ZPLD1: variants seen among roughly 807,000 people sequenced by gnomAD.
ZPLD1 encodes zona pellucida-like domain-containing protein 1.
Under a neutral mutation model 47.2 loss-of-function variants are expected in ZPLD1, and 34 were observed. The ratio of observed to expected loss-of-function variants is 0.72; its 90% CI spans 0.55 to 0.96. The LOEUF is 0.96. ZPLD1 is among the 40% of genes least tolerant of loss of function. ZPLD1 has a pLI of 0.00. For missense variants in ZPLD1, 512 were observed against 505.8 expected, an observed-to-expected ratio of 1.01 and a Z score of -0.12; for synonymous variants, 176 against 186.2, an observed-to-expected ratio of 0.95 and a Z score of 0.45.
intron 3 of ZPLD1, among the ~76,000 whole-genome samples, chr3:102,450,692 G>C (rs1310797604): frequency 6.6e-6 from 1 of 152,108 alleles, no homozygotes; most frequent in Non-Finnish European, 1.5e-5. Flanking sequence ...AGGACATTAA[G>C]ACTGGAAATA....
intron 8 of ZPLD1, among the ~76,000 whole-genome samples, chr3:102,429,852 C>G (rs1054532749): frequency 1.3e-5 from 2 of 152,128 alleles, no homozygotes; most frequent in African/African-American, 4.8e-5. Flanking sequence ...ATTGGAATCT[C>G]CACATCTCAA....
intron 6 of ZPLD1, among the ~76,000 whole-genome samples, chr3:102,458,698 A>G (rs1246420697): frequency 1.3e-5 from 2 of 152,222 alleles, no homozygotes; most frequent in African/African-American, 2.4e-5. Flanking sequence ...AATCATGTTT[A>G]TAAGTTTGTA....
At chr3:102,436,789 GT>G in intron 1 of ZPLD1, 70 bp from the exon 2 acceptor site, 1 of 645,498 alleles carries the variant, frequency 1.5e-6, no homozygotes, top group Non-Finnish European at 1.9e-6. Flanking sequence ...AAAAATATAT[GT>G]TAGCTAGAAA....
chr3:102,394,464 A>G (rs1706534975), intron 7 of ZPLD1, among the ~76,000 whole-genome samples: 1 of 152,162 alleles, frequency 6.6e-6, no homozygotes, highest in Admixed American at 6.5e-5. Flanking sequence ...CCTGGCTTTT[A>G]TGTTTAAATT....
chr3:102,402,945 A>G (rs1449751580), intron 7 of ZPLD1, among the ~76,000 whole-genome samples: 1 of 151,954 alleles, frequency 6.6e-6, no homozygotes, highest in Non-Finnish European at 1.5e-5. Flanking sequence ...TTCAAAGTAA[A>G]CAAAATAGCA....
chr3:102,430,634 A>G (rs1050068445), upstream of ZPLD1, among the ~76,000 whole-genome samples: 1 of 152,202 alleles, frequency 6.6e-6, no homozygotes, highest in Non-Finnish European at 1.5e-5. Context: ...AAGGGTTGAC[A>G]AAGATGTGAA....
intron 6 of ZPLD1, among the ~76,000 whole-genome samples, chr3:102,459,218 T>G (rs1211959827): frequency 1.3e-5 from 2 of 152,076 alleles, no homozygotes; most frequent in African/African-American, 4.8e-5. Flanking sequence ...TTAACAATAT[T>G]TATATAACTT....
chr3:102,459,076 C>A (rs376339654), intron 6 of ZPLD1, among the ~76,000 whole-genome samples: 3 of 113,080 alleles, frequency 2.7e-5, no homozygotes, highest in Admixed American at 1.4e-4. Context: ...GGAGACAGAG[C>A]GAGACTCCGT....
intron 6 of ZPLD1, among the ~76,000 whole-genome samples, chr3:102,460,169 A>C (rs1485318459): frequency 1.3e-5 from 2 of 152,056 alleles, no homozygotes; most frequent in Non-Finnish European, 2.9e-5. Flanking sequence ...ATTCCAAATA[A>C]AATATTATAA....
At chr3:102,432,952 C>T (rs1416511412), upstream of ZPLD1, among the ~76,000 whole-genome samples, 1 of 152,190 alleles carries the variant, frequency 6.6e-6, no homozygotes, top group African/African-American at 2.4e-5. Flanking sequence ...CACCTTAGAA[C>T]TTCCTACTAT....
rs1231651033 is a variant in ZPLD1 at position 102,477,792 on chromosome 3, A to G, written c.*174A>G. ...AGTGAAAGAAGTTTATTATATTGCT[A>G]TTGTCACTTATGTACGTGGCGAGCC... On this transcript the variant is annotated 3_prime_UTR_variant, in exon 12 of 12. Coordinates refer to ENST00000466937, the MANE Select transcript of ZPLD1 (RefSeq NM_001329788.2). The G allele has an allele frequency of 1.9e-6, 1 of 537,498 alleles. No individual in the cohort carries two copies. The highest frequency in any genetic ancestry group is 3.0e-6 in the Non-Finnish European group (1 of 332,492). 33.3% of individuals were successfully genotyped at this position (537,498 alleles called of 1,614,324 possible).
At chr3:102,435,201 G>A (rs772482608) in intron 1 of ZPLD1, 47 bp downstream of exon 1, 1 of 1,603,978 alleles carries the variant, frequency 6.2e-7, no homozygotes, top group Non-Finnish European at 8.5e-7. Flanking sequence ...TCATCAGTTT[G>A]TTTTAACTTA....
chr3:102,458,182 A>G (rs934675776), intron 6 of ZPLD1, among the ~76,000 whole-genome samples: 3 of 152,140 alleles, frequency 2.0e-5, no homozygotes, highest in African/African-American at 7.2e-5. Context: ...TAGCTTCAAG[A>G]TTTAGGAAAT....
chr3:102,406,511 C>T (rs1223510975), intron 7 of ZPLD1, among the ~76,000 whole-genome samples: 1 of 151,834 alleles, frequency 6.6e-6, no homozygotes, highest in African/African-American at 2.4e-5. Context: ...CACCCTTATC[C>T]TCAGTACCAA....
At chr3:102,477,098 A>T in intron 11 of ZPLD1, 57 bp downstream of exon 11, 1 of 1,576,682 alleles carries the variant, frequency 6.3e-7, no homozygotes. Context: ...TCAGTTACAA[A>T]GCTGTAATCA....
In ZPLD1 at chr3:102,474,503, A is replaced by G. The variant is rs1707729272; in HGVS notation, c.1043-2509A>G. Among the ~76,000 whole-genome samples, 3 of 152,278 alleles carry G rather than the reference A, an allele frequency of 2.0e-5. No individual in the cohort carries two copies. The South Asian group carries it at 6.2e-4, about 32-fold the overall frequency. ...TCTTAGAGTTCAGAGGTAGAAACAG[A>G]CTATGAACGAACGTAACACTGTGAA... On this transcript the variant is annotated intron_variant, in intron 10 of 11. Transcript: ENST00000466937.
At chr3:102,418,474 T>C (rs1706837276) in intron 8 of ZPLD1, among the ~76,000 whole-genome samples, 2 of 151,964 alleles carry the variant, frequency 1.3e-5, no homozygotes, top group South Asian at 4.1e-4. Flanking sequence ...TAAACTTCAA[T>C]TTATCCCAAA....
intron 7 of ZPLD1, among the ~76,000 whole-genome samples, chr3:102,462,608 G>C: frequency 6.6e-6 from 1 of 151,750 alleles, no homozygotes; most frequent in Non-Finnish European, 1.5e-5. Flanking sequence ...GAAGGGGGGT[G>C]GTTCTTGGAA....
intron 8 of ZPLD1, among the ~76,000 whole-genome samples, chr3:102,466,710 A>C (rs1707598660): frequency 6.6e-6 from 1 of 152,158 alleles, no homozygotes; most frequent in Non-Finnish European, 1.5e-5. Flanking sequence ...AAAGGAGTGC[A>C]GATCACAGCA....
Sources: gnomAD v4.1 joint callset for allele counts (sites outside exome capture counted in the v4.1 genomes callset) on GRCh38, gnomAD v4.1.1 for gene constraint, MANE v1.5 for transcripts, NCBI Gene and HGNC (gene_info 2026-07-23, HGNC 2026-07-21) for gene names.